The following C5orf15 variants were observed in gnomAD, a reference collection of about 807,000 sequenced individuals.
C5orf15 encodes the protein keratinocyte-associated transmembrane protein 2.
In C5orf15, 10 loss-of-function variants were observed where a neutral mutation model predicts 17.8. The observed-to-expected ratio is 0.56, with a 90% CI of 0.35 to 0.95. C5orf15 has a LOEUF of 0.95. C5orf15 is among the 40% of genes least tolerant of loss of function. C5orf15 has a pLI of 0.02. For missense variants in C5orf15, 319 were observed against 331.7 expected (o/e 0.96, Z 0.30); for synonymous variants, 124 against 131.0 (o/e 0.95, Z 0.36).
chr5:133,956,832 A>T lies in C5orf15; in HGVS notation c.*27T>A. 1 of 1,567,942 alleles carries T rather than the reference A, an allele frequency of 6.4e-7. No homozygotes were observed. Among genetic ancestry groups the T allele is most frequent in the South Asian group, 1.2e-5 (1 of 82,128 alleles). On this transcript the variant is annotated 3_prime_UTR_variant, in exon 3 of 3. Transcript: ENST00000231512. ...TATAAAAAGTCAAGCAAATAAAATTACATAAGCAAATTCAAATCACAGTGC... is the reference window on the plus strand; with the variant it reads ...TATAAAAAGTCAAGCAAATAAAATTTCATAAGCAAATTCAAATCACAGTGC...
chr5:133,960,068 A>C, intron 1 of C5orf15, 48 bp from the exon 2 acceptor site: 1 of 1,518,754 alleles, frequency 6.6e-7, no homozygotes, highest in Non-Finnish European at 8.9e-7. Context: ...CTTTATCTCC[A>C]CCAAGCTAAA....
intron 1 of C5orf15, among the ~76,000 whole-genome samples, chr5:133,964,617 T>C (rs1752169541): frequency 6.6e-6 from 1 of 152,232 alleles, no homozygotes; most frequent in Non-Finnish European, 1.5e-5. Context: ...CAAGTGAATC[T>C]ATAATTATCT....
At position 133,955,778 on chromosome 5, in the gene C5orf15, G is replaced by T. The variant is rs1036939628; in HGVS notation, c.*1081C>A. 2.0e-5 allele frequency: 3 copies of T among 152,494 alleles called. No individual in the cohort carries two copies. Among genetic ancestry groups the T allele is most frequent in the African/African-American group, 7.2e-5 (3 of 41,442 alleles). The allele number at this position is 152,494 out of a possible 1,614,324, so 9.4% of individuals were successfully genotyped here. On this transcript the variant is annotated 3_prime_UTR_variant, in exon 3 of 3. Transcript: ENST00000231512. ...TTTCTAAAAAGCTGTAGTGACACTT[G>T]TAAGTCAACCATGGTTCAAATCACA...
chr5:133,959,393 A>AC lies in C5orf15; in HGVS notation c.666+100dup, dbSNP rs1365483216. On this transcript the variant is annotated intron_variant, in intron 2 of 2. Transcript: ENST00000231512. ...TGGTTGACAGAGTGAAACCCACTAC[A>AC]CTTTTTTTTGCAAAAAAAAAAAAAA... is the stretch of plus-strand genomic sequence containing the variant. 4 of 771,264 alleles carry AC rather than the reference A, an allele frequency of 5.2e-6. No individual in the cohort carries two copies. The African/African-American group carries it at 1.2e-4, about 22-fold the overall frequency. The allele number at this position is 771,264 out of a possible 1,614,324, so 47.8% of individuals were successfully genotyped here.
intron 1 of C5orf15, among the ~76,000 whole-genome samples, chr5:133,961,689 C>T (rs150942672): frequency 6.9e-4 from 104 of 151,726 alleles, no homozygotes; most frequent in African/African-American, 2.4e-3. Context: ...GGTTTCAAGC[C>T]CCCCATGTAG....
intron 2 of C5orf15, 78 bp downstream of exon 2, chr5:133,959,416 A>G: frequency 1.6e-6 from 1 of 633,588 alleles, no homozygotes; most frequent in Non-Finnish European, 2.2e-6. Flanking sequence ...AAAAAAAAAA[A>G]AAAAAAAAAA....
intron 1 of C5orf15, among the ~76,000 whole-genome samples, chr5:133,960,643 C>T (rs1040086693): frequency 4.6e-5 from 7 of 152,144 alleles, no homozygotes; most frequent in African/African-American, 1.7e-4. Flanking sequence ...GCATCCGAAA[C>T]GGGAACCTGA....
In C5orf15 at chr5:133,959,855, A is replaced by G. The variant is rs1752093865; in HGVS notation, c.305T>C (p.Val102Ala). The change falls in exon 2 of 3, where the codon GTG (valine) becomes GCG (alanine). Residue 102 changes from valine (V) to alanine (A), a missense_variant. This residue lies in a region of C5orf15 where 17 missense variants were observed against 43.6 expected (regional missense o/e 0.39). Transcript: ENST00000231512. ...TSTKKSGGAS[V>A]VPHPSPTPLS... is the part of the protein sequence containing the mutation. ...AGGAGTAGGCGAGGGATGAGGGACC[A>G]CAGATGCTCCTCCACTTTTCTTGGT... The G allele has an allele frequency of 6.2e-7, 1 of 1,614,012 alleles. No individual in the cohort carries two copies. The highest frequency in any genetic ancestry group is 1.7e-5 in the Admixed American group (1 of 59,990).
chr5:133,961,293 C>A (rs1185495701), intron 1 of C5orf15, among the ~76,000 whole-genome samples: 1 of 139,598 alleles, frequency 7.2e-6, no homozygotes, highest in African/African-American at 2.6e-5. Context: ...CGCCTGTAAT[C>A]CCAGCACTTT....
intron 1 of C5orf15, among the ~76,000 whole-genome samples, chr5:133,961,030 A>G (rs1311453131): frequency 1.3e-5 from 2 of 151,962 alleles, no homozygotes; most frequent in Non-Finnish European, 2.9e-5. Flanking sequence ...TATAGGGGTA[A>G]GATTAAACCA....
chr5:133,965,282 C>T (rs1473700815), intron 1 of C5orf15, among the ~76,000 whole-genome samples: 1 of 152,200 alleles, frequency 6.6e-6, no homozygotes, highest in Non-Finnish European at 1.5e-5. Context: ...ACTCATTCTT[C>T]TAAGGATACC....
intron 2 of C5orf15, 66 bp downstream of exon 2, chr5:133,959,428 A>T: frequency 8.2e-6 from 5 of 612,434 alleles, no homozygotes; most frequent in Non-Finnish European, 1.2e-5. Flanking sequence ...AAAAAAAAAA[A>T]GAACCATGAA....
intron 2 of C5orf15, among the ~76,000 whole-genome samples, chr5:133,958,576 CAAAAAAAAAAAAAAA>C (rs71581378): frequency 1.3e-4 from 4 of 31,980 alleles, no homozygotes; most frequent in East Asian, 1.9e-3. Context: ...AGCTCTGTCT[CAAAAAAAAAAAAAAA>C]AAAAAAAAAA....
At chr5:133,960,587 A>G (rs1752109845) in intron 1 of C5orf15, among the ~76,000 whole-genome samples, 1 of 152,230 alleles carries the variant, frequency 6.6e-6, no homozygotes, top group Non-Finnish European at 1.5e-5. Context: ...TAAATTCAAA[A>G]AAAAAGAAGG....
Position 133,956,710 on chromosome 5 carries a change from C to T in C5orf15, c.*149G>A, listed in dbSNP as rs184172978. On this transcript the variant is annotated 3_prime_UTR_variant, in exon 3 of 3. Coordinates refer to ENST00000231512, the MANE Select transcript of C5orf15 (RefSeq NM_020199.3). Reference sequence around the variant, plus strand: ...AAGTACAGATAAAAAATTATATACTCGTTTGTGACATTTAATTTCCAAAGC... The same window carrying T: ...AAGTACAGATAAAAAATTATATACTTGTTTGTGACATTTAATTTCCAAAGC... The T allele has an allele frequency of 1.1e-3, 760 of 701,830 alleles. No homozygotes were observed. The highest frequency in any genetic ancestry group is 1.4e-3 in the Non-Finnish European group (681 of 470,158). 43.5% of individuals were successfully genotyped at this position (701,830 alleles called of 1,614,324 possible).
intron 1 of C5orf15, among the ~76,000 whole-genome samples, chr5:133,961,148 T>A (rs1334794728): frequency 7.0e-6 from 1 of 143,494 alleles, no homozygotes; most frequent in African/African-American, 2.6e-5. Flanking sequence ...ACAGTTGACA[T>A]CCATTTTGTG....
Position 133,959,799 on chromosome 5 carries a change from CTTCA to C in C5orf15, c.357_360del (p.Asn119LysfsTer5). The C allele has an allele frequency of 6.2e-7, 1 of 1,614,110 alleles. No homozygotes were observed. Among genetic ancestry groups the C allele is most frequent in the African/African-American group, 1.3e-5 (1 of 75,020 alleles). ...AGATCCTCCTCCTCTATACTAGGAT[CTTCA>C]TTGTTATCAGCTTCCTCTTGAGACA... On this transcript the variant is annotated frameshift_variant, in exon 2 of 3. Transcript: ENST00000231512. LOFTEE classifies it high-confidence loss of function.
chr5:133,958,899 C>CT (rs978947474), intron 2 of C5orf15, among the ~76,000 whole-genome samples: 2 of 151,742 alleles, frequency 1.3e-5, no homozygotes, highest in African/African-American at 4.8e-5. Context: ...GACATAAACT[C>CT]TTAAAAAAAA....
rs149583948 is a variant in C5orf15 at position 133,968,579 on chromosome 5, G to A, written c.6C>T (p.Ala2=). ...CCCTCATCCTCTTCGGGACGGCAGC[G>A]GCCATAACGGACTCGGCTGGGAGCC... The part of the protein sequence containing the change: M[A]AAVPKRMRGP... Residue 2 remains alanine, a synonymous_variant, in exon 1 of 3, where the codon GCC becomes GCT. Coordinates refer to ENST00000231512, the MANE Select transcript of C5orf15 (RefSeq NM_020199.3). The A allele has an allele frequency of 3.5e-4, 565 of 1,609,400 alleles. 1 individual carries two copies. In the African/African-American group the frequency reaches 7.1e-3, roughly 20 times the overall value.
Sources: allele counts gnomAD v4.1 joint callset (sites outside exome capture counted in the v4.1 genomes callset), GRCh38; gene constraint gnomAD v4.1.1; regional missense constraint gnomAD v4.1.1; transcripts MANE v1.5; gene names NCBI Gene and HGNC (gene_info 2026-07-23, HGNC 2026-07-21).